Variants in SOX5 observed in about 807,000 individuals in gnomAD.
SOX5 encodes SRY-box transcription factor 5.
In SOX5, 9 loss-of-function variants were observed where a neutral mutation model predicts 92.0. The observed-to-expected ratio is 0.10, with a 90% CI of 0.06 to 0.17. SOX5 has a LOEUF of 0.17. Ranked by LOEUF, SOX5 falls within the 10% of genes least tolerant of loss-of-function variation. The pLI is 1.00. For synonymous variants in SOX5, 344 were observed against 336.3 expected, an observed-to-expected ratio of 1.02 and a Z score of -0.25; for missense variants, 642 against 944.5, an observed-to-expected ratio of 0.68 and a Z score of 4.20.
rs760703517 is a variant in SOX5 at position 24,312,544 on chromosome 12, C to G, written c.-173-35232G>C. On this transcript the variant is annotated intron_variant, in intron 2 of 4. Coordinates refer to the SOX5 transcript ENST00000446891. ...AGGGCATGGACTGTGCTGTCAGGATCACGTTTACAGCCCCAATTCCTAGAA... is the reference window on the plus strand; with the variant it reads ...AGGGCATGGACTGTGCTGTCAGGATGACGTTTACAGCCCCAATTCCTAGAA... Among the ~76,000 whole-genome samples the G allele has an allele frequency of 4.6e-5, 7 of 152,288 alleles. No individual in the cohort carries two copies. The East Asian group carries it at 1.2e-3, about 25-fold the overall frequency.
intron 2 of SOX5, among the ~76,000 whole-genome samples, chr12:24,289,859 T>TAGGGCC (rs960234037): frequency 5.3e-5 from 8 of 152,172 alleles, no homozygotes; most frequent in Admixed American, 4.6e-4. Flanking sequence ...ATGTCTCACT[T>TAGGGCC]AGGGCCAAAG....
chr12:23,951,653 T>TACTCAC (rs10653535), upstream of SOX5, among the ~76,000 whole-genome samples: 18 of 151,464 alleles, frequency 1.2e-4, no homozygotes, highest in African/African-American at 2.9e-4. Flanking sequence ...AATATATATA[T>TACTCAC]ACACACACAC....
intron 1 of SOX5, among the ~76,000 whole-genome samples, chr12:24,504,944 G>A (rs1317853801): frequency 6.6e-6 from 1 of 152,138 alleles, no homozygotes; most frequent in African/African-American, 2.4e-5. Flanking sequence ...CCATATCTAT[G>A]TAAAGTATCA....
At chr12:23,949,803 C>G (rs187298786), upstream of SOX5, 85 of 442,616 alleles carry the variant, frequency 1.9e-4, 2 homozygotes, top group South Asian at 1.2e-3. Context: ...TTTCTCCCCC[C>G]CTCCTTCCCC....
intron 4 of SOX5, among the ~76,000 whole-genome samples, chr12:24,123,532 A>G (rs1948824007): frequency 6.6e-6 from 1 of 152,192 alleles, no homozygotes; most frequent in African/African-American, 2.4e-5. Flanking sequence ...GCCATTTTTC[A>G]TTACCCAACC....
At chr12:23,891,968 C>T (rs2097133805) in intron 2 of SOX5, among the ~76,000 whole-genome samples, 1 of 151,784 alleles carries the variant, frequency 6.6e-6, no homozygotes, top group South Asian at 2.1e-4. Flanking sequence ...ACTACTCTGC[C>T]TAAAACATAT....
intron 6 of SOX5, among the ~76,000 whole-genome samples, chr12:23,730,205 C>A (rs1296867321): frequency 6.6e-6 from 1 of 151,302 alleles, no homozygotes; most frequent in Admixed American, 6.6e-5. Flanking sequence ...GAATAGGCAA[C>A]AGAGTAAGAG....
At chr12:24,464,328 T>C (rs1490914746) in intron 1 of SOX5, among the ~76,000 whole-genome samples, 2 of 151,658 alleles carry the variant, frequency 1.3e-5, no homozygotes, top group East Asian at 1.9e-4. Context: ...AGTTAATTTT[T>C]TTTTTTTTTT....
At chr12:24,314,115 T>C (rs1469044705) in intron 2 of SOX5, among the ~76,000 whole-genome samples, 1 of 152,154 alleles carries the variant, frequency 6.6e-6, no homozygotes, top group Non-Finnish European at 1.5e-5. Flanking sequence ...GTCTGGCTTA[T>C]TGTAATAGCC....
chr12:24,449,932 A>G (rs1389078237), intron 1 of SOX5, among the ~76,000 whole-genome samples: 2 of 152,172 alleles, frequency 1.3e-5, no homozygotes, highest in Non-Finnish European at 2.9e-5. Flanking sequence ...CACATTATCT[A>G]TGAAAGTATT....
At chr12:24,095,440 T>TTTATTTA (rs1569541005) in intron 4 of SOX5, among the ~76,000 whole-genome samples, 1 of 150,244 alleles carries the variant, frequency 6.7e-6, no homozygotes, top group African/African-American at 2.4e-5. Flanking sequence ...TATTTATTTA[T>TTTATTTA]TTATTTATTT....
At chr12:24,324,487 C>CT (rs796197266) in intron 2 of SOX5, among the ~76,000 whole-genome samples, 293 of 147,210 alleles carry the variant, frequency 2.0e-3, no homozygotes, top group African/African-American at 5.4e-3. Flanking sequence ...ACATTTATTC[C>CT]TTTTTTTTTT....
chr12:24,433,811 G>C (rs1938860772), intron 1 of SOX5, among the ~76,000 whole-genome samples: 1 of 152,130 alleles, frequency 6.6e-6, no homozygotes, highest in East Asian at 1.9e-4. Flanking sequence ...TCGACAGGGA[G>C]GATTAGAACT....
chr12:23,726,776 G>A (rs891998829), intron 6 of SOX5, among the ~76,000 whole-genome samples: 1 of 152,166 alleles, frequency 6.6e-6, no homozygotes, highest in Non-Finnish European at 1.5e-5. Context: ...CAATCTCAGT[G>A]ATTCCAGAAT....
At chr12:24,374,046 T>C (rs1249629982) in intron 1 of SOX5, among the ~76,000 whole-genome samples, 2 of 152,006 alleles carry the variant, frequency 1.3e-5, no homozygotes, top group Non-Finnish European at 2.9e-5. Flanking sequence ...AAAATGCAGA[T>C]CATAAACAGC....
At chr12:23,637,649 A>G (rs2079443512) in intron 8 of SOX5, among the ~76,000 whole-genome samples, 1 of 152,184 alleles carries the variant, frequency 6.6e-6, no homozygotes, top group African/African-American at 2.4e-5. Flanking sequence ...TTACCCAAAA[A>G]GCAGAATAAA....
chr12:24,374,326 G>A (rs7953520), intron 1 of SOX5, among the ~76,000 whole-genome samples: 5,104 of 152,168 alleles, frequency 0.034, 281 homozygotes, highest in African/African-American at 0.12. Flanking sequence ...GGGAATCCCT[G>A]TTTTTAGTCT....
intron 5 of SOX5, 52 bp from the exon 6 acceptor site, chr12:23,734,804 G>A: frequency 7.0e-7 from 1 of 1,422,316 alleles, no homozygotes; most frequent in Non-Finnish European, 9.9e-7. Context: ...AGTCCCGGAG[G>A]GAAGTTACTA....
chr12:24,303,109 A>G (rs1040498772), intron 2 of SOX5, among the ~76,000 whole-genome samples: 1 of 152,218 alleles, frequency 6.6e-6, no homozygotes, highest in East Asian at 1.9e-4. Context: ...AGAAAGGCCA[A>G]CAAGAAACTT....
Sources: allele counts gnomAD v4.1 joint callset (sites outside exome capture counted in the v4.1 genomes callset), GRCh38; gene constraint gnomAD v4.1.1; transcripts MANE v1.5; gene names NCBI Gene and HGNC (gene_info 2026-07-23, HGNC 2026-07-21).